The following PTPN20 variants were observed in gnomAD, a reference collection of about 807,000 sequenced individuals.
PTPN20 encodes the protein tyrosine-protein phosphatase non-receptor type 20.
In PTPN20, 9 loss-of-function variants were observed where a neutral mutation model predicts 35.0. The ratio of observed to expected loss-of-function variants is 0.26; its 90% CI spans 0.15 to 0.45. The LOEUF is 0.45. PTPN20 is among the 20% of genes least tolerant of loss of function. The pLI, the probability that PTPN20 is intolerant of heterozygous loss-of-function variation, is 1.00. For missense variants in PTPN20, 111 were observed against 312.5 expected, an observed-to-expected ratio of 0.36 and a Z score of 4.86; for synonymous variants, 32 against 100.2, an observed-to-expected ratio of 0.32 and a Z score of 4.06.
intron 2 of PTPN20, among the ~76,000 whole-genome samples, chr10:46,933,360 A>G (rs2040385462): frequency 6.6e-6 from 1 of 151,946 alleles, no homozygotes; most frequent in African/African-American, 2.4e-5. Flanking sequence ...AGCAAATATC[A>G]TTACAATACA....
chr10:46,968,418 C>T (rs1314427599), intron 7 of PTPN20, among the ~76,000 whole-genome samples: 4 of 149,758 alleles, frequency 2.7e-5, no homozygotes, highest in Non-Finnish European at 5.9e-5. Flanking sequence ...TTTAGACACG[C>T]GAAAAAAGAG....
At chr10:46,999,839 C>T (rs1210053052) in intron 9 of PTPN20, 73 bp from the exon 10 acceptor site, 1 of 1,538,696 alleles carries the variant, frequency 6.5e-7, no homozygotes, top group Admixed American at 1.7e-5. Context: ...TCTCTTTCAC[C>T]CTTTTTGGCA....
chr10:46,987,901 A>AT (rs2057055059), intron 9 of PTPN20, among the ~76,000 whole-genome samples: 1 of 139,864 alleles, frequency 7.1e-6, no homozygotes, highest in African/African-American at 2.7e-5. Context: ...TTTAATGAAT[A>AT]TAAGTGACAA....
intron 1 of PTPN20, among the ~76,000 whole-genome samples, chr10:46,918,839 C>T (rs1378715209): frequency 3.3e-5 from 4 of 120,358 alleles, no homozygotes; most frequent in African/African-American, 1.5e-4. Flanking sequence ...TTGTTGTTGG[C>T]TGGGATGCCC....
intron 9 of PTPN20, among the ~76,000 whole-genome samples, chr10:46,988,698 T>G (rs1483539180): frequency 1.4e-4 from 21 of 151,932 alleles, no homozygotes; most frequent in Admixed American, 1.4e-3. Flanking sequence ...GATGTCACTC[T>G]TTTTTTATGG....
In PTPN20 at chr10:47,000,686, A is replaced by C; in HGVS notation, c.1208A>C (p.His403Pro). The change falls in exon 11 of 11, where the codon CAC (histidine) becomes CCC (proline). Residue 403 changes from histidine to proline, a missense_variant. Transcript: ENST00000374339. ...TATATATGTATATAGGAGCAGTATC[A>C]CTTTTGTTACGATATTGTGCTTGAA... ...SGMVQTKEQYHFCYDIVLEVL... is the reference protein window; with the variant it reads ...SGMVQTKEQYPFCYDIVLEVL... 1 of 1,613,486 alleles carries C rather than the reference A, an allele frequency of 6.2e-7. No individual in the cohort carries two copies. The highest frequency in any genetic ancestry group is 1.1e-5 in the South Asian group (1 of 91,058).
In PTPN20 at chr10:46,946,681, A is replaced by G. The variant is rs2044828774; in HGVS notation, c.340+6A>G. 1.3e-6 allele frequency: 2 copies of G among 1,587,780 alleles called. No individual in the cohort carries two copies. Among genetic ancestry groups the G allele is most frequent in the African/African-American group, 2.7e-5 (2 of 73,236 alleles). On this transcript the variant is annotated splice_donor_region_variant and intron_variant, in intron 5 of 10. Transcript: ENST00000374339. ...TCTCTCCCCTCTACTTTCTGGTATG[A>G]CATCATCCTATTTGTAGTAGCAAGT...
chr10:46,928,228 C>G (rs2038296307), intron 1 of PTPN20, among the ~76,000 whole-genome samples: 1 of 152,050 alleles, frequency 6.6e-6, no homozygotes, highest in African/African-American at 2.4e-5. Flanking sequence ...CCAATGAATG[C>G]TCACAGTAAT....
intron 5 of PTPN20, among the ~76,000 whole-genome samples, chr10:46,957,432 A>AT (rs1173234904): frequency 2.0e-5 from 3 of 150,850 alleles, no homozygotes; most frequent in African/African-American, 7.4e-5. Flanking sequence ...AGTTTGTTGA[A>AT]TTTTTTTTCT....
At chr10:46,929,422 C>T (rs2038834779) in intron 1 of PTPN20, among the ~76,000 whole-genome samples, 1 of 151,318 alleles carries the variant, frequency 6.6e-6, no homozygotes, top group Non-Finnish European at 1.5e-5. Flanking sequence ...ACGAACCTGA[C>T]CACTGGTCCC....
intron 5 of PTPN20, among the ~76,000 whole-genome samples, chr10:46,959,473 G>A (rs1160553301): frequency 1.4e-5 from 2 of 146,854 alleles, no homozygotes; most frequent in East Asian, 3.9e-4. Context: ...TTCAATTGGT[G>A]AGTTTAATTC....
chr10:46,926,104 T>C (rs1289646856), intron 1 of PTPN20: 1 of 985,408 alleles, frequency 1.0e-6, no homozygotes, highest in African/African-American at 1.7e-5. Context: ...AACAGGCATG[T>C]TGGAAGGAAA....
rs1269206218 is a variant in PTPN20, at chr10:46,976,768, G to A, written c.584-7462G>A. On this transcript the variant is annotated intron_variant, in intron 7 of 10. Coordinates refer to ENST00000374339, the MANE Select transcript of PTPN20 (RefSeq NM_001042357.5). Reference sequence around the variant, plus strand: ...TTTTTTAGTTTCTATGAATTTTAGGGTTGCCTCTTGGTTCTATCTTATAAA... The same window carrying A: ...TTTTTTAGTTTCTATGAATTTTAGGATTGCCTCTTGGTTCTATCTTATAAA... 3.7e-5 allele frequency among the ~76,000 whole-genome samples: 5 copies of A among 135,808 alleles called. No homozygotes were observed. In the East Asian group the frequency reaches 1.0e-3, roughly 28 times the overall value. The allele number at this position is 135,808 out of a possible 152,430, so 89.1% of individuals were successfully genotyped here.
chr10:46,951,567 T>G (rs1276432946), intron 5 of PTPN20, among the ~76,000 whole-genome samples: 1 of 152,178 alleles, frequency 6.6e-6, no homozygotes, highest in Non-Finnish European at 1.5e-5. Flanking sequence ...TTCTTCAGAA[T>G]TTTTATTCAC....
At chr10:46,941,692 T>G (rs1160386628) in intron 3 of PTPN20, among the ~76,000 whole-genome samples, 2 of 144,650 alleles carry the variant, frequency 1.4e-5, no homozygotes, top group East Asian at 2.0e-4. Flanking sequence ...TTACTTTGGG[T>G]TTTTTTTTGC....
At chr10:46,976,398 CT>C (rs1198403320) in intron 7 of PTPN20, among the ~76,000 whole-genome samples, 4,245 of 68,624 alleles carry the variant, frequency 0.062, 45 homozygotes, top group South Asian at 0.13. Context: ...TCAAGCTCTA[CT>C]TTTTTTTTTT....
At chr10:46,999,453 A>G (rs2059719608) in intron 9 of PTPN20, among the ~76,000 whole-genome samples, 3 of 152,266 alleles carry the variant, frequency 2.0e-5, no homozygotes, top group East Asian at 1.9e-4. Flanking sequence ...CACCAACTCA[A>G]TGACCACACC....
chr10:46,922,707 G>T (rs2035762838), intron 1 of PTPN20, among the ~76,000 whole-genome samples: 2 of 140,908 alleles, frequency 1.4e-5, no homozygotes, highest in Non-Finnish European at 3.0e-5. Flanking sequence ...AGATTACCTG[G>T]TGACTCATGG....
chr10:46,954,779 G>A (rs1244161018), intron 5 of PTPN20, among the ~76,000 whole-genome samples: 6 of 150,562 alleles, frequency 4.0e-5, no homozygotes, highest in South Asian at 4.2e-4. Flanking sequence ...TTCTTGCTTT[G>A]GATTTTATTT....
Sources: gnomAD v4.1 joint callset for allele counts (sites outside exome capture counted in the v4.1 genomes callset) on GRCh38, gnomAD v4.1.1 for gene constraint, MANE v1.5 for transcripts, NCBI Gene and HGNC (gene_info 2026-07-23, HGNC 2026-07-21) for gene names.